The following TDP1 variants were observed in gnomAD, a reference collection of about 807,000 sequenced individuals.
TDP1 encodes tyr-DNA phosphodiesterase 1.
TDP1 carries 64 observed loss-of-function variants against 81.5 expected under a neutral mutation model. The observed-to-expected ratio is 0.79, with a 90% CI of 0.64 to 0.97. The LOEUF (loss-of-function observed/expected upper bound fraction) is 0.97. TDP1 is among the 50% of genes least tolerant of loss of function. The pLI, the probability that TDP1 is intolerant of heterozygous loss-of-function variation, is 0.00. For missense variants in TDP1, 723 were observed against 743.8 expected (o/e 0.97, Z 0.33); for synonymous variants, 256 against 264.3 (o/e 0.97, Z 0.30).
At chr14:89,973,043 G>A (rs1000998905) in intron 6 of TDP1, among the ~76,000 whole-genome samples, 5 of 150,836 alleles carry the variant, frequency 3.3e-5, no homozygotes, top group African/African-American at 1.2e-4. Flanking sequence ...GATTAATACA[G>A]TACAAGAGCT....
chr14:90,009,553 A>G (rs1179929601), intron 14 of TDP1, among the ~76,000 whole-genome samples: 1 of 152,232 alleles, frequency 6.6e-6, no homozygotes, highest in Non-Finnish European at 1.5e-5. Context: ...TGGTTTGGGG[A>G]AAAGTCTTAT....
At chr14:90,015,469 G>A (rs998561073) in intron 14 of TDP1, among the ~76,000 whole-genome samples, 6 of 152,204 alleles carry the variant, frequency 3.9e-5, no homozygotes, top group Non-Finnish European at 8.8e-5. Flanking sequence ...GTAGGCAAGG[G>A]GACAATAAAC....
chr14:90,040,783 C>T (rs773160518), intron 16 of TDP1, among the ~76,000 whole-genome samples: 1 of 152,216 alleles, frequency 6.6e-6, no homozygotes, highest in African/African-American at 2.4e-5. Context: ...AGAATCACAA[C>T]CACCTTCTTT....
At chr14:90,035,537 A>G (rs533444608) in intron 16 of TDP1, among the ~76,000 whole-genome samples, 7 of 152,068 alleles carry the variant, frequency 4.6e-5, no homozygotes, top group African/African-American at 1.4e-4. Flanking sequence ...AACTTACTAA[A>G]TAGACTTGGG....
chr14:89,978,822 C>T (rs1312090781), intron 7 of TDP1, among the ~76,000 whole-genome samples: 1 of 152,168 alleles, frequency 6.6e-6, no homozygotes, highest in East Asian at 1.9e-4. Flanking sequence ...TTTCAGGGAG[C>T]ACATTTCACA....
At chr14:90,018,775 T>C (rs1396017711) in intron 14 of TDP1, 1 of 166,204 alleles carries the variant, frequency 6.0e-6, no homozygotes, top group Non-Finnish European at 1.2e-5. Flanking sequence ...CACAACTCTT[T>C]GAACATATAA....
chr14:90,026,394 C>T (rs1886657012), intron 15 of TDP1, among the ~76,000 whole-genome samples: 2 of 152,252 alleles, frequency 1.3e-5, no homozygotes, highest in African/African-American at 2.4e-5. Flanking sequence ...AGCCACGGCC[C>T]TTGCATTCTA....
rs1055687040 is a variant in TDP1 at position 89,980,440 on chromosome 14, T to TA, written c.792-93dup. On this transcript the variant is annotated intron_variant, in intron 7 of 16. Transcript: ENST00000335725. ...GTTAAGTTTGGGTAATATGAGAGTT[T>TA]AAAAAAATTCCTTTAGCTATGTATT... is the stretch of plus-strand genomic sequence containing the variant. The TA allele has an allele frequency of 9.4e-5, 135 of 1,433,922 alleles. No homozygotes were observed. In the African/African-American group the frequency reaches 1.7e-3, roughly 19 times the overall value. 88.8% of individuals were successfully genotyped at this position (1,433,922 alleles called of 1,614,324 possible). A position where few individuals can be genotyped will look rare whatever the true frequency, so the allele number is the denominator to read the frequency against.
intron 5 of TDP1, among the ~76,000 whole-genome samples, chr14:89,969,876 C>CTTTTT (rs5810477): frequency 8.1e-6 from 1 of 122,848 alleles, no homozygotes; most frequent in Non-Finnish European, 1.6e-5. Context: ...ATACTTATTT[C>CTTTTT]TTTTTTTTTT....
chr14:89,969,876 C>CTTTTTTTTTTTTTT (rs5810477), intron 5 of TDP1, among the ~76,000 whole-genome samples: 1 of 122,856 alleles, frequency 8.1e-6, no homozygotes, highest in African/African-American at 3.1e-5. Flanking sequence ...ATACTTATTT[C>CTTTTTTTTTTTTTT]TTTTTTTTTT....
chr14:89,968,190 CAG>C (rs1893173960), intron 5 of TDP1, among the ~76,000 whole-genome samples: 1 of 148,188 alleles, frequency 6.7e-6, no homozygotes. Context: ...CTGTAACACA[CAG>C]AATTAGTTTT....
Position 89,955,974 on chromosome 14 carries a change from C to G in TDP1, c.-231+4C>G, listed in dbSNP as rs1337687328. ...GCGTTGGTTCTGTGCGCCTCAGGTA[C>G]GTGTTGGGCGGCAGTGGGCGCGGAC... is the stretch of plus-strand genomic sequence containing the variant. On this transcript the variant is annotated splice_donor_region_variant and intron_variant, in intron 1 of 16. Transcript: ENST00000335725. 1 of 152,518 alleles carries G rather than the reference C, an allele frequency of 6.6e-6. No homozygotes were observed. The highest frequency in any genetic ancestry group is 1.5e-5 in the Non-Finnish European group (1 of 68,278). 9.4% of individuals were successfully genotyped at this position (152,518 alleles called of 1,614,324 possible).
intron 15 of TDP1, among the ~76,000 whole-genome samples, chr14:90,027,725 G>T (rs2140301468): frequency 6.6e-6 from 1 of 152,292 alleles, no homozygotes; most frequent in Non-Finnish European, 1.5e-5. Context: ...TACAAGCTGT[G>T]TTAGATTTGG....
intron 15 of TDP1, among the ~76,000 whole-genome samples, chr14:90,026,983 G>T (rs186047174): frequency 1.8e-4 from 28 of 152,288 alleles, no homozygotes; most frequent in Admixed American, 1.3e-3. Flanking sequence ...CCAGTAATGG[G>T]TTGGCTGGGT....
chr14:89,983,500 C>T (rs1015773725), intron 8 of TDP1, among the ~76,000 whole-genome samples: 1 of 152,152 alleles, frequency 6.6e-6, no homozygotes, highest in Admixed American at 6.5e-5. Context: ...CAGGGGCTGC[C>T]AGGTGAAAGA....
At chr14:89,957,021 G>C (rs1891737307) in intron 2 of TDP1, 1 of 152,270 alleles carries the variant, frequency 6.6e-6, no homozygotes, top group African/African-American at 2.4e-5. Flanking sequence ...ACCACTGCCT[G>C]CCTTGCCTAA....
rs144784774 is a variant in TDP1, at chr14:90,011,744, C to A, written c.1542-7572C>A. ...AGTGTTTGAGGTGATTTTGGGTGCTCTTAAAGGCATACAGTTTTATTCATT... is the reference window on the plus strand; with the variant it reads ...AGTGTTTGAGGTGATTTTGGGTGCTATTAAAGGCATACAGTTTTATTCATT... On this transcript the variant is annotated intron_variant, in intron 14 of 16. Transcript: ENST00000335725. Among the ~76,000 whole-genome samples, 258 of 152,248 alleles carry A rather than the reference C, an allele frequency of 1.7e-3. 5 individuals are homozygous for A. The East Asian group carries it at 0.047, about 28-fold the overall frequency.
chr14:89,972,276 C>T lies in TDP1; in HGVS notation c.756+1005C>T, dbSNP rs34591729. On this transcript the variant is annotated intron_variant, in intron 6 of 16. Coordinates refer to ENST00000335725, the MANE Select transcript of TDP1 (RefSeq NM_018319.4). ...AGGAAGCAGGCACATCTTACTTGGC[C>T]GGAGCAAGAGGGAAGAGAGGGGGAA... Among the ~76,000 whole-genome samples, 323 of 121,760 alleles carry T rather than the reference C, an allele frequency of 2.7e-3. 2 individuals carry two copies. Among genetic ancestry groups the T allele is most frequent in the African/African-American group, 0.011 (304 of 26,630 alleles). 79.9% of individuals were successfully genotyped at this position (121,760 alleles called of 152,430 possible). A position where few individuals can be genotyped will look rare whatever the true frequency, so the allele number is the denominator to read the frequency against.
At chr14:90,033,768 G>T (rs34084295) in intron 16 of TDP1, among the ~76,000 whole-genome samples, 1 of 152,092 alleles carries the variant, frequency 6.6e-6, no homozygotes, top group South Asian at 2.1e-4. Flanking sequence ...TAAATCTATT[G>T]TAACGTACAT....
Sources: allele counts gnomAD v4.1 joint callset (sites outside exome capture counted in the v4.1 genomes callset), GRCh38; gene constraint gnomAD v4.1.1; transcripts MANE v1.5; gene names NCBI Gene and HGNC (gene_info 2026-07-23, HGNC 2026-07-21).